HNRNPM: variants seen among roughly 807,000 people sequenced by gnomAD.
HNRNPM encodes the protein CEA receptor.
Under a neutral mutation model 73.1 loss-of-function variants are expected in HNRNPM, and 11 were observed. That is an observed-to-expected ratio of 0.15 (90% CI 0.09 to 0.25). The LOEUF is 0.25. HNRNPM is among the 10% of genes least tolerant of loss of function. HNRNPM has a pLI of 1.00. For missense variants in HNRNPM, 789 were observed against 1,067.9 expected (o/e 0.74, Z 3.64); for synonymous variants, 407 against 355.2 (o/e 1.15, Z -1.64).
chr19:8,447,885 G>C (rs1003563076), intron 1 of HNRNPM, among the ~76,000 whole-genome samples: 2 of 152,148 alleles, frequency 1.3e-5, no homozygotes, highest in African/African-American at 4.8e-5. Flanking sequence ...AATTAGCCGG[G>C]CGTGGTGCCG....
rs1314308485 is a variant in HNRNPM, at chr19:8,462,182, A to G, written c.284-347A>G. On this transcript the variant is annotated intron_variant, in intron 2 of 15. Coordinates refer to ENST00000325495, the MANE Select transcript of HNRNPM (RefSeq NM_005968.5). The surrounding 1 kb of genome is among the most constrained non-coding windows in gnomAD (Gnocchi z 4.5). ...CCACCAATGAGAGCGTATGTGTAAAACCTCCTCCCTTCCCCAGAAAAGTAA... is the reference window on the plus strand; with the variant it reads ...CCACCAATGAGAGCGTATGTGTAAAGCCTCCTCCCTTCCCCAGAAAAGTAA... 2.3e-5 allele frequency: 6 copies of G among 259,130 alleles called. No individual in the cohort carries two copies. The highest frequency in any genetic ancestry group is 3.8e-5 in the Non-Finnish European group (5 of 131,276). 16.1% of individuals were successfully genotyped at this position (259,130 alleles called of 1,614,324 possible). A position where few individuals can be genotyped will look rare whatever the true frequency, so the allele number is the denominator to read the frequency against.
At chr19:8,469,558 A>G (rs1319611864) in intron 9 of HNRNPM, among the ~76,000 whole-genome samples, 1 of 152,212 alleles carries the variant, frequency 6.6e-6, no homozygotes, top group South Asian at 2.1e-4. Context: ...CCAGGTGAAA[A>G]TCTGTCTCGT....
intron 15 of HNRNPM, 39 bp from the exon 16 acceptor site, chr19:8,488,652 C>CG (rs1971491608): frequency 6.3e-7 from 1 of 1,579,380 alleles, no homozygotes; most frequent in Admixed American, 1.8e-5. Context: ...CTAACAAAAT[C>CG]GGGACTGAGT....
chr19:8,452,282 CTG>C (rs1202660645), intron 1 of HNRNPM, among the ~76,000 whole-genome samples: 1 of 152,210 alleles, frequency 6.6e-6, no homozygotes, highest in Non-Finnish European at 1.5e-5. Context: ...ATCATGGACT[CTG>C]TCAGAATGTT....
chr19:8,487,149 C>G (rs1971372110), intron 15 of HNRNPM, 74 bp downstream of exon 15: 1 of 1,262,874 alleles, frequency 7.9e-7, no homozygotes, highest in Non-Finnish European at 1.2e-6. Context: ...GCAGCAAAAC[C>G]TCCCTCCCAG....
At chr19:8,446,992 C>T (rs1968235680) in intron 1 of HNRNPM, among the ~76,000 whole-genome samples, 1 of 152,116 alleles carries the variant, frequency 6.6e-6, no homozygotes, top group African/African-American at 2.4e-5. Flanking sequence ...TTACCGTATG[C>T]AGGAAGGAGT....
chr19:8,462,852 CAG>C lies in HNRNPM; in HGVS notation c.336+274_336+275del, dbSNP rs2145657493. Among the ~76,000 whole-genome samples the C allele has an allele frequency of 6.6e-6, 1 of 152,224 alleles. No homozygotes were observed. The highest frequency in any genetic ancestry group is 2.4e-5 in the African/African-American group (1 of 41,520). On this transcript the variant is annotated intron_variant, in intron 3 of 15. Transcript: ENST00000325495. The surrounding 1 kb of genome is among the most constrained non-coding windows in gnomAD (Gnocchi z 4.5). ...AATAGCAGCATTGTCTCTTTGTTAA[CAG>C]AGGAATTGGCTGTGTGTGAATTATG...
chr19:8,454,731 T>C (rs775537259), intron 1 of HNRNPM, among the ~76,000 whole-genome samples: 1 of 135,236 alleles, frequency 7.4e-6, no homozygotes, highest in East Asian at 2.6e-4. Flanking sequence ...GAAGCTAAAA[T>C]TGGATGGGCC....
At chr19:8,486,619 A>T (rs977570582) in intron 14 of HNRNPM, among the ~76,000 whole-genome samples, 1 of 149,366 alleles carries the variant, frequency 6.7e-6, no homozygotes, top group Non-Finnish European at 1.5e-5. Context: ...TAGAATATGG[A>T]GCAGACGCTG....
intron 7 of HNRNPM, among the ~76,000 whole-genome samples, chr19:8,466,862 G>C (rs567388341): frequency 6.8e-6 from 1 of 145,996 alleles, no homozygotes; most frequent in South Asian, 2.2e-4. Context: ...AGGTTCTCTG[G>C]GGGTGGAATT....
chr19:8,445,137 C>A (rs1057489777), intron 1 of HNRNPM, 26 bp downstream of exon 1: 1 of 1,375,586 alleles, frequency 7.3e-7, no homozygotes, highest in Admixed American at 4.0e-5. Flanking sequence ...TCCTTTGCCA[C>A]GGGTAAGGGT....
intron 12 of HNRNPM, among the ~76,000 whole-genome samples, chr19:8,480,903 T>C (rs1020028688): frequency 2.6e-5 from 4 of 152,156 alleles, no homozygotes; most frequent in African/African-American, 9.7e-5. Flanking sequence ...TTACACCTTC[T>C]TTCTGATTGG....
chr19:8,470,791 A>G (rs951815294), intron 9 of HNRNPM, among the ~76,000 whole-genome samples: 2 of 152,144 alleles, frequency 1.3e-5, no homozygotes, highest in Non-Finnish European at 2.9e-5. Context: ...TGGGCTGGGT[A>G]TCCAGTTGTG....
At chr19:8,458,634 T>C (rs901891727) in intron 2 of HNRNPM, among the ~76,000 whole-genome samples, 1 of 152,236 alleles carries the variant, frequency 6.6e-6, no homozygotes, top group Non-Finnish European at 1.5e-5. Flanking sequence ...GGGATGTAGT[T>C]TACCCTCAGT....
intron 12 of HNRNPM, 56 bp from the exon 13 acceptor site, chr19:8,483,102 A>G (rs370084585): frequency 1.8e-6 from 2 of 1,117,734 alleles, no homozygotes; most frequent in Non-Finnish European, 2.7e-6. Context: ...TAATGAGCAC[A>G]TTTCTATTGC....
At chr19:8,475,414 T>C (rs1970431105) in intron 12 of HNRNPM, among the ~76,000 whole-genome samples, 1 of 152,264 alleles carries the variant, frequency 6.6e-6, no homozygotes, top group Non-Finnish European at 1.5e-5. Context: ...GAAACTTTCT[T>C]GGACTGAGAA....
intron 1 of HNRNPM, among the ~76,000 whole-genome samples, chr19:8,451,286 G>C (rs1450748273): frequency 6.6e-6 from 1 of 151,708 alleles, no homozygotes; most frequent in African/African-American, 2.4e-5. Context: ...CAGGTGATCT[G>C]CCCGCCTCGG....
At position 8,462,442 on chromosome 19, in the gene HNRNPM, C is replaced by A; in HGVS notation, c.284-87C>A. 1 of 1,131,154 alleles carries A rather than the reference C, an allele frequency of 8.8e-7. No individual in the cohort carries two copies. Among genetic ancestry groups the A allele is most frequent in the Non-Finnish European group, 1.4e-6 (1 of 740,224 alleles). 70.1% of individuals were successfully genotyped at this position (1,131,154 alleles called of 1,614,324 possible). A position where few individuals can be genotyped will look rare whatever the true frequency, so the allele number is the denominator to read the frequency against. ...TTTCTTATAAGGCAGAGGCTCCATACAAGGTTGCTGATGATTGTTCTAAAT... is the reference window on the plus strand; with the variant it reads ...TTTCTTATAAGGCAGAGGCTCCATAAAAGGTTGCTGATGATTGTTCTAAAT... On this transcript the variant is annotated intron_variant, in intron 2 of 15. Transcript: ENST00000325495. The surrounding 1 kb of genome is among the most constrained non-coding windows in gnomAD (Gnocchi z 4.5).
intron 12 of HNRNPM, among the ~76,000 whole-genome samples, chr19:8,476,145 A>G (rs1194789373): frequency 6.6e-6 from 1 of 151,900 alleles, no homozygotes; most frequent in Non-Finnish European, 1.5e-5. Flanking sequence ...TCTCTGGAGA[A>G]CCACAAATGG....
Sources: gnomAD v4.1 joint callset for allele counts (sites outside exome capture counted in the v4.1 genomes callset) on GRCh38, gnomAD v4.1.1 for gene constraint, Gnocchi (gnomAD v3.1) non-coding constraint, MANE v1.5 for transcripts, NCBI Gene and HGNC (gene_info 2026-07-23, HGNC 2026-07-21) for gene names.